The following AKT3 variants were observed in gnomAD, a reference collection of about 807,000 sequenced individuals.
AKT3 encodes RAC-gamma serine/threonine-protein kinase.
AKT3 carries 15 observed loss-of-function variants against 65.3 expected under a neutral mutation model. The ratio of observed to expected loss-of-function variants is 0.23; its 90% confidence interval spans 0.15 to 0.35. The LOEUF is 0.35. AKT3 is among the 10% of genes least tolerant of loss of function. The pLI is 1.00. For missense variants in AKT3, 243 were observed against 576.5 expected, an observed-to-expected ratio of 0.42 and a Z score of 5.92; for synonymous variants, 206 against 183.8, an observed-to-expected ratio of 1.12 and a Z score of -0.98.
chr1:243,500,033 T>TC lies in AKT3; in HGVS notation c.*5215dup. ...AATGGCTTGAAGTTATGTGTTTAAA[T>TC]CTGCTCATTCGTATGCTAGGTTATA... On this transcript the variant is annotated 3_prime_UTR_variant, in exon 14 of 14. Coordinates refer to ENST00000673466, the MANE Select transcript of AKT3 (RefSeq NM_005465.7). The TC allele has an allele frequency of 3.6e-6, 2 of 560,158 alleles. No individual in the cohort carries two copies. The highest frequency in any genetic ancestry group is 3.2e-6 in the Non-Finnish European group (1 of 315,156). The allele number at this position is 560,158 out of a possible 1,614,324, so 34.7% of individuals were successfully genotyped here.
intron 5 of AKT3, among the ~76,000 whole-genome samples, chr1:243,638,611 G>A (rs1680147927): frequency 6.6e-6 from 1 of 152,124 alleles, no homozygotes; most frequent in African/African-American, 2.4e-5. Context: ...GGTTTTTGAA[G>A]AGAAGAGAAG....
At chr1:243,744,760 A>G (rs1688378962) in intron 2 of AKT3, among the ~76,000 whole-genome samples, 1 of 150,274 alleles carries the variant, frequency 6.7e-6, no homozygotes, top group African/African-American at 2.4e-5. Context: ...AAAAAAAAAA[A>G]TTATTATACA....
At chr1:243,555,652 A>G (rs1673358490) in intron 10 of AKT3, among the ~76,000 whole-genome samples, 1 of 152,058 alleles carries the variant, frequency 6.6e-6, no homozygotes, top group Non-Finnish European at 1.5e-5. Context: ...AATTTATTTC[A>G]TGGTTATTGT....
At chr1:243,716,140 G>T (rs1686500085) in intron 2 of AKT3, among the ~76,000 whole-genome samples, 1 of 152,000 alleles carries the variant, frequency 6.6e-6, no homozygotes, top group Non-Finnish European at 1.5e-5. Context: ...TTTTTAAGAA[G>T]AATTCTTCTT....
intron 2 of AKT3, among the ~76,000 whole-genome samples, chr1:243,828,564 C>T (rs1346769475): frequency 6.6e-6 from 1 of 152,174 alleles, no homozygotes; most frequent in African/African-American, 2.4e-5. Flanking sequence ...GCCTACTTGA[C>T]TTGAAGACAT....
At chr1:243,739,005 T>C (rs1233814008) in intron 2 of AKT3, among the ~76,000 whole-genome samples, 1 of 152,188 alleles carries the variant, frequency 6.6e-6, no homozygotes, top group Non-Finnish European at 1.5e-5. Context: ...TTTAATCAAA[T>C]GGCAAATCCT....
intron 5 of AKT3, among the ~76,000 whole-genome samples, chr1:243,645,361 T>G (rs1288888213): frequency 6.6e-6 from 1 of 152,178 alleles, no homozygotes; most frequent in Non-Finnish European, 1.5e-5. Flanking sequence ...AAATTCGTAC[T>G]TATTATGCTG....
intron 13 of AKT3, among the ~76,000 whole-genome samples, chr1:243,493,571 T>C (rs575904074): frequency 1.3e-5 from 2 of 152,132 alleles, no homozygotes; most frequent in East Asian, 3.9e-4. Flanking sequence ...GTCTGCAGTG[T>C]TCAATCTGGG....
intron 12 of AKT3, among the ~76,000 whole-genome samples, chr1:243,528,502 G>A (rs910489089): frequency 6.6e-6 from 1 of 152,096 alleles, no homozygotes; most frequent in African/African-American, 2.4e-5. Flanking sequence ...AGGCCTTGGT[G>A]TCTGCTCTTC....
chr1:243,724,916 A>G (rs1687117178), intron 2 of AKT3, among the ~76,000 whole-genome samples: 1 of 152,070 alleles, frequency 6.6e-6, no homozygotes, highest in Admixed American at 6.6e-5. Flanking sequence ...AAGAAACAAA[A>G]GTAGGGTTGG....
At chr1:243,849,969 C>A in intron 1 of AKT3, 71 bp downstream of exon 1, 1 of 959,660 alleles carries the variant, frequency 1.0e-6, no homozygotes, top group Non-Finnish European at 1.2e-6. Flanking sequence ...GAGGGCGGAC[C>A]GGGGCCCGGG....
At chr1:243,564,795 A>T (rs936089889) in intron 9 of AKT3, among the ~76,000 whole-genome samples, 5 of 152,208 alleles carry the variant, frequency 3.3e-5, no homozygotes, top group Non-Finnish European at 4.4e-5. Flanking sequence ...CTGAAAAAAT[A>T]TACAAAATGT....
intron 8 of AKT3, among the ~76,000 whole-genome samples, chr1:243,583,562 A>AAAAAAG (rs1553409280): frequency 1.0e-4 from 12 of 114,724 alleles, no homozygotes; most frequent in African/African-American, 2.6e-4. Context: ...AAAAAGAAAA[A>AAAAAAG]AAAAAGAAAA....
chr1:243,693,242 TGATATATATATATATATATATA>T lies in AKT3; in HGVS notation c.172+2327_172+2348del, dbSNP rs1438096284. Among the ~76,000 whole-genome samples, 304 of 59,980 alleles carry T rather than the reference TGATATATATATATATATATATA, an allele frequency of 5.1e-3. 24 individuals carry two copies. Among genetic ancestry groups the T allele is most frequent in the South Asian group, 0.044 (82 of 1,860 alleles). 39.3% of individuals were successfully genotyped at this position (59,980 alleles called of 152,430 possible). On this transcript the variant is annotated intron_variant, in intron 3 of 13. Coordinates refer to ENST00000673466, the MANE Select transcript of AKT3 (RefSeq NM_005465.7). ...ATATATCCCTTTGGTAGCTACAATT[TGATATATATATATATATATATA>T]TATATATATATATATATATATATAT...
chr1:243,559,157 A>G (rs1673598911), intron 10 of AKT3, among the ~76,000 whole-genome samples: 1 of 152,174 alleles, frequency 6.6e-6, no homozygotes, highest in African/African-American at 2.4e-5. Context: ...TCAAGATATC[A>G]TATGGTCCAT....
chr1:243,523,260 AACACACAC>A (rs547403507), intron 12 of AKT3, among the ~76,000 whole-genome samples: 1,875 of 126,496 alleles, frequency 0.015, 38 homozygotes, highest in African/African-American at 0.05. Flanking sequence ...AAAAAGGACG[AACACACAC>A]ACACACACAC....
chr1:243,629,741 G>C (rs1003767013), intron 6 of AKT3, among the ~76,000 whole-genome samples: 1 of 152,148 alleles, frequency 6.6e-6, no homozygotes, highest in Non-Finnish European at 1.5e-5. Context: ...GCAGTGAGCC[G>C]AGATCGCGCC....
At chr1:243,624,429 T>C (rs1678999062) in intron 6 of AKT3, among the ~76,000 whole-genome samples, 1 of 152,204 alleles carries the variant, frequency 6.6e-6, no homozygotes, top group Non-Finnish European at 1.5e-5. Flanking sequence ...CAAAGGAAAT[T>C]ATAAAATGTA....
At chr1:243,531,239 C>T (rs2148413234) in intron 12 of AKT3, among the ~76,000 whole-genome samples, 1 of 152,114 alleles carries the variant, frequency 6.6e-6, no homozygotes, top group Non-Finnish European at 1.5e-5. Context: ...TACAGTCGTG[C>T]ACCACCATGC....
Sources: gnomAD v4.1 joint callset for allele counts (sites outside exome capture counted in the v4.1 genomes callset) on GRCh38, gnomAD v4.1.1 for gene constraint, MANE v1.5 for transcripts, NCBI Gene and HGNC (gene_info 2026-07-23, HGNC 2026-07-21) for gene names.